The following RBMS3 variants were observed in gnomAD, a reference collection of about 807,000 sequenced individuals.
RBMS3 encodes the protein RNA binding motif single stranded interacting protein 3, also known as RNA-binding motif, single-stranded-interacting protein 3.
RBMS3 carries 27 observed loss-of-function variants against 66.8 expected under a neutral mutation model. The observed-to-expected ratio is 0.40, with a 90% confidence interval of 0.30 to 0.56. The LOEUF is 0.56. Ranked by LOEUF, RBMS3 falls within the 20% of genes least tolerant of loss-of-function variation. The pLI, the probability that RBMS3 is intolerant of heterozygous loss-of-function variation, is 0.40. For missense variants in RBMS3, 513 were observed against 549.5 expected, an observed-to-expected ratio of 0.93 and a Z score of 0.66; for synonymous variants, 188 against 183.0, an observed-to-expected ratio of 1.03 and a Z score of -0.22.
chr3:29,431,816 C>G (rs984122176), intron 1 of RBMS3, among the ~76,000 whole-genome samples: 1 of 152,162 alleles, frequency 6.6e-6, no homozygotes, highest in African/African-American at 2.4e-5. Flanking sequence ...GCCTCAGCCT[C>G]TAGGGTTCAA....
At chr3:29,746,080 TG>T (rs2054879847) in intron 5 of RBMS3, among the ~76,000 whole-genome samples, 1 of 152,168 alleles carries the variant, frequency 6.6e-6, no homozygotes, top group Non-Finnish European at 1.5e-5. Context: ...TGAAATATAA[TG>T]AGACCACAGA....
intron 2 of RBMS3, among the ~76,000 whole-genome samples, chr3:29,475,902 T>A (rs1395883698): frequency 6.6e-6 from 1 of 152,230 alleles, no homozygotes; most frequent in Non-Finnish European, 1.5e-5. Context: ...TAAAAAGATC[T>A]ATAAGACAAC....
chr3:29,660,813 C>T (rs2050515481), intron 4 of RBMS3, among the ~76,000 whole-genome samples: 1 of 152,092 alleles, frequency 6.6e-6, no homozygotes, highest in South Asian at 2.1e-4. Context: ...TATTGTCAGC[C>T]TCCTATGCAC....
In RBMS3 at chr3:29,688,789, G is replaced by A. The variant is rs192674530; in HGVS notation, c.400-50931G>A. ...GTATAGACAGGGTTTCACTCTGTTG[G>A]CCAGGCTGGTCTCGAACTCCTGACC... On this transcript the variant is annotated intron_variant, in intron 4 of 14. Coordinates refer to ENST00000383767, the MANE Select transcript of RBMS3 (RefSeq NM_001003793.3). Among the ~76,000 whole-genome samples the A allele has an allele frequency of 1.3e-3, 200 of 151,852 alleles. 1 individual carries two copies. The highest frequency in any genetic ancestry group is 4.6e-3 in the African/African-American group (192 of 41,396).
At chr3:29,347,256 T>C (rs2036631723) in intron 1 of RBMS3, among the ~76,000 whole-genome samples, 1 of 152,238 alleles carries the variant, frequency 6.6e-6, no homozygotes, top group Admixed American at 6.5e-5. Context: ...TCAAGTTAAC[T>C]TTCTAGCACT....
At chr3:29,633,577 G>T (rs1318969792) in intron 4 of RBMS3, among the ~76,000 whole-genome samples, 1 of 151,764 alleles carries the variant, frequency 6.6e-6, no homozygotes, top group Admixed American at 6.6e-5. Context: ...AGGGCTTCCA[G>T]CTTGTTTTTT....
At chr3:29,798,983 G>T (rs1221096571) in intron 6 of RBMS3, among the ~76,000 whole-genome samples, 1 of 117,282 alleles carries the variant, frequency 8.5e-6, no homozygotes, top group Non-Finnish European at 1.7e-5. Flanking sequence ...TAATCTTAAT[G>T]TTGAGGATAT....
chr3:29,361,278 A>G (rs1310357878), intron 1 of RBMS3, among the ~76,000 whole-genome samples: 1 of 151,964 alleles, frequency 6.6e-6, no homozygotes, highest in Non-Finnish European at 1.5e-5. Flanking sequence ...GCTTGTCTGT[A>G]AAGGATTTTA....
intron 3 of RBMS3, among the ~76,000 whole-genome samples, chr3:29,489,739 T>TAAA (rs201069908): frequency 2.7e-4 from 33 of 123,992 alleles, no homozygotes; most frequent in South Asian, 1.1e-3. Flanking sequence ...CACGTAGCTG[T>TAAA]AAAAAAAAAA....
chr3:29,542,453 C>T (rs560118366), intron 3 of RBMS3, among the ~76,000 whole-genome samples: 13 of 152,166 alleles, frequency 8.5e-5, no homozygotes, highest in South Asian at 8.3e-4. Flanking sequence ...CTGCGCCTCC[C>T]GGGATCAAGC....
In RBMS3 at chr3:29,930,162, A is replaced by G. The variant is rs1487685233; in HGVS notation, c.940-5924A>G. ...AGTCTCGCTCTGTCTCCCAGGCTGG[A>G]GTGCAGTGGCATGATCTTGGCTCAC... On this transcript the variant is annotated intron_variant, in intron 10 of 14. Transcript: ENST00000383767. Among the ~76,000 whole-genome samples the G allele has an allele frequency of 4.5e-5, 4 of 88,598 alleles. No homozygotes were observed. In the East Asian group the frequency reaches 1.4e-3, roughly 31 times the overall value. 58.1% of individuals were successfully genotyped at this position (88,598 alleles called of 152,430 possible).
intron 6 of RBMS3, among the ~76,000 whole-genome samples, chr3:29,779,670 G>T (rs1484128426): frequency 7.9e-6 from 1 of 126,306 alleles, no homozygotes; most frequent in Non-Finnish European, 1.8e-5. Flanking sequence ...CATCTACTGG[G>T]ATAAAAATAA....
At chr3:29,503,047 T>A (rs571364988) in intron 3 of RBMS3, among the ~76,000 whole-genome samples, 1 of 152,170 alleles carries the variant, frequency 6.6e-6, no homozygotes, top group Non-Finnish European at 1.5e-5. Flanking sequence ...TTTCTTCAAA[T>A]AGCTTGCGTG....
intron 2 of RBMS3, among the ~76,000 whole-genome samples, chr3:29,468,994 T>G (rs1337389808): frequency 6.6e-6 from 1 of 152,106 alleles, no homozygotes; most frequent in Non-Finnish European, 1.5e-5. Context: ...AGAGAAATGG[T>G]GGGACATAAT....
chr3:29,509,468 G>C (rs2044314257), intron 3 of RBMS3, among the ~76,000 whole-genome samples: 1 of 152,188 alleles, frequency 6.6e-6, no homozygotes, highest in South Asian at 2.1e-4. Flanking sequence ...CTAGGTGAAA[G>C]AGACAAGGAA....
chr3:29,693,535 T>A (rs924957420), intron 4 of RBMS3, among the ~76,000 whole-genome samples: 8 of 152,228 alleles, frequency 5.3e-5, no homozygotes, highest in African/African-American at 1.9e-4. Context: ...TTGACTATGA[T>A]CTTGGGTAAA....
chr3:29,620,741 G>T (rs2048837291), intron 4 of RBMS3, among the ~76,000 whole-genome samples: 7 of 151,846 alleles, frequency 4.6e-5, no homozygotes, highest in Admixed American at 2.6e-4. Context: ...TTTTTCCTTA[G>T]AGTTGTTTGT....
At chr3:29,775,776 A>G (rs541229804) in intron 6 of RBMS3, among the ~76,000 whole-genome samples, 65 of 152,184 alleles carry the variant, frequency 4.3e-4, no homozygotes, top group African/African-American at 1.5e-3. Context: ...TGATAATAAT[A>G]TATTTAAACA....
chr3:29,528,696 A>G (rs546932031), intron 3 of RBMS3, among the ~76,000 whole-genome samples: 1 of 152,284 alleles, frequency 6.6e-6, no homozygotes, highest in African/African-American at 2.4e-5. Context: ...ATGGAGTACC[A>G]TATTGAAAAA....
Sources: allele counts gnomAD v4.1 joint callset (sites outside exome capture counted in the v4.1 genomes callset), GRCh38; gene constraint gnomAD v4.1.1; transcripts MANE v1.5; gene names NCBI Gene and HGNC (gene_info 2026-07-23, HGNC 2026-07-21).